The following HAUS7 variants were observed in gnomAD, a reference collection of about 807,000 sequenced individuals.
HAUS7 encodes HAUS augmin-like complex subunit 7.
Under a neutral mutation model 28.4 loss-of-function variants are expected in HAUS7, and 3 were observed. The ratio of observed to expected loss-of-function variants is 0.11; its 90% CI spans 0.05 to 0.27. The LOEUF is 0.27. HAUS7 is among the 10% of genes least tolerant of loss of function. The pLI, the probability that HAUS7 is intolerant of heterozygous loss-of-function variation, is 1.00. For synonymous variants in HAUS7, 165 were observed against 132.1 expected, an observed-to-expected ratio of 1.25 and a Z score of -1.71; for missense variants, 284 against 297.3, an observed-to-expected ratio of 0.96 and a Z score of 0.33.
At chrX:153,455,901 C>T (rs1170826912) in intron 7 of HAUS7, 135 bp from the exon 8 acceptor site, 13 of 459,186 alleles carry the variant, frequency 2.8e-5, no homozygotes, top group East Asian at 7.3e-5. Context: ...GGAGCTGTAC[C>T]GAGCGACTCA....
intron 2 of HAUS7, among the ~76,000 whole-genome samples, chrX:153,468,314 G>A (rs1161902244): frequency 2.7e-5 from 3 of 112,270 alleles, no homozygotes; most frequent in Non-Finnish European, 3.8e-5. Flanking sequence ...TGAGGAGGGG[G>A]AGGCCCGGGC....
chrX:153,470,549 C>T lies in HAUS7; in HGVS notation c.9G>A (p.Gly3=). 1.7e-6 allele frequency: 2 copies of T among 1,204,132 alleles called. No homozygotes were observed. The highest frequency in any genetic ancestry group is 1.1e-6 in the Non-Finnish European group (1 of 891,969). ...CGCCACGGCCGCAGCCAGCGTCCTG[C>T]CCCGCCATGTTTCGCGCTCCGAGCC... MA[G]QDAGCGRGGD... is the part of the protein sequence containing the mutation. Residue 3 remains glycine, a synonymous_variant, in exon 1 of 10, where the codon GGG becomes GGA. Transcript: ENST00000370211.
intron 1 of HAUS7, among the ~76,000 whole-genome samples, chrX:153,480,068 C>T (rs1345777815): frequency 8.9e-6 from 1 of 112,171 alleles, no homozygotes; most frequent in Middle Eastern, 4.7e-3. Flanking sequence ...CTTCATCTCC[C>T]CAGAAGCTGT....
In HAUS7 at chrX:153,470,503, C is replaced by A; in HGVS notation, c.55G>T (p.Glu19Ter). ...GCCCTGGACACGCTGCTGTCGCCCT[C>A]GTCCTCTGAGTAGTCGTCGCCGCCA... ...GRGGDDYSEDEGDSSVSRAAV... is the reference protein window; with the variant it reads ...GRGGDDYSED Residue 19 changes from glutamate (E) to a stop codon, truncating the protein, a stop_gained, in exon 1 of 10, where the codon GAG becomes TAG. Coordinates refer to ENST00000370211, the MANE Select transcript of HAUS7 (RefSeq NM_001385482.1). LOFTEE classifies it high-confidence loss of function. 8.3e-7 allele frequency: 1 copy of A among 1,205,893 alleles called. No homozygotes were observed. The highest frequency in any genetic ancestry group is 1.1e-6 in the Non-Finnish European group (1 of 892,616).
intron 4 of HAUS7, among the ~76,000 whole-genome samples, chrX:153,460,518 A>G (rs1556983142): frequency 1.8e-5 from 2 of 109,937 alleles, no homozygotes; most frequent in African/African-American, 6.6e-5. Context: ...GGTGAACATG[A>G]TACAATTTAG....
intron 1 of HAUS7, among the ~76,000 whole-genome samples, chrX:153,478,086 A>T (rs1332712491): frequency 8.9e-6 from 1 of 112,513 alleles, no homozygotes; most frequent in Non-Finnish European, 1.9e-5. Flanking sequence ...TCATTTCTTA[A>T]GATCGCTTCC....
At chrX:153,485,913 T>C (rs2089633980) in intron 1 of HAUS7, 2 of 952,265 alleles carry the variant, frequency 2.1e-6, no homozygotes, top group African/African-American at 4.0e-5. Flanking sequence ...AAGCCAGGCC[T>C]AGAGTTCCTG....
At chrX:153,452,446 G>A (rs781914719) in intron 9 of HAUS7, among the ~76,000 whole-genome samples, 116 of 112,519 alleles carry the variant, frequency 1.0e-3, no homozygotes, top group Non-Finnish European at 2.0e-3. Flanking sequence ...AATTAGTTTG[G>A]TAATACACTG....
In HAUS7 at chrX:153,470,411, G is replaced by A. The variant is rs1467101799; in HGVS notation, c.108+39C>T. 17 of 1,171,523 alleles carry A rather than the reference G, an allele frequency of 1.5e-5. No homozygotes were observed. In the African/African-American group the frequency reaches 2.5e-4, roughly 17 times the overall value. ...CCGGGCCTCGGGCGGGGCCCTCCCCGGTCCCCCGCCCTGGAGTGGCTTTCT... is the reference window on the plus strand; with the variant it reads ...CCGGGCCTCGGGCGGGGCCCTCCCCAGTCCCCCGCCCTGGAGTGGCTTTCT... On this transcript the variant is annotated intron_variant, in intron 1 of 9. Coordinates refer to ENST00000370211, the MANE Select transcript of HAUS7 (RefSeq NM_001385482.1).
chrX:153,463,950 T>C (rs1489369638), intron 3 of HAUS7, among the ~76,000 whole-genome samples: 2 of 112,540 alleles, frequency 1.8e-5, no homozygotes, highest in Non-Finnish European at 3.8e-5. Context: ...GCCCTGTCTC[T>C]CCCCGCTAGC....
chrX:153,481,759 G>A, intron 1 of HAUS7: 1 of 728,251 alleles, frequency 1.4e-6, no homozygotes, highest in Non-Finnish European at 1.6e-6. Flanking sequence ...GGGAGGTACA[G>A]AGTGGCAGCG....
intron 9 of HAUS7, among the ~76,000 whole-genome samples, chrX:153,449,465 C>T (rs1168342996): frequency 8.9e-6 from 1 of 112,760 alleles, no homozygotes; most frequent in Non-Finnish European, 1.9e-5. Flanking sequence ...TCCTAGGCTC[C>T]GGACTGTGTC....
intron 2 of HAUS7, among the ~76,000 whole-genome samples, chrX:153,468,001 G>C (rs2089474584): frequency 8.9e-6 from 1 of 112,682 alleles, no homozygotes; most frequent in Admixed American, 9.3e-5. Context: ...ATTTCCAGGA[G>C]GGGGAACAAT....
At chrX:153,479,925 TC>T (rs1370097955) in intron 1 of HAUS7, among the ~76,000 whole-genome samples, 1 of 111,556 alleles carries the variant, frequency 9.0e-6, no homozygotes, top group Non-Finnish European at 1.9e-5. Context: ...ATTGGGGTTA[TC>T]AACATTCCTC....
In HAUS7 at chrX:153,469,189, G is replaced by T; in HGVS notation, c.181C>A (p.Pro61Thr). The change falls in exon 2 of 10, where the codon CCC becomes ACC. Residue 61 changes from proline (P) to threonine (T), a missense_variant. Pro to Thr is a conservative substitution (Grantham distance 38). Coordinates refer to ENST00000370211, the MANE Select transcript of HAUS7 (RefSeq NM_001385482.1). ...AGGATCTCCAAGCGGTACTCTGAGG[G>T]GCTGCACAGCAGTTCCTGAATTGTC... ...PKTIQELLCS[P>T]SEYRLEILEW... The T allele has an allele frequency of 8.4e-7, 1 of 1,197,103 alleles. No homozygotes were observed. Among genetic ancestry groups the T allele is most frequent in the Non-Finnish European group, 1.1e-6 (1 of 881,856 alleles).
Position 153,454,467 on chromosome X carries a change from C to T in HAUS7, c.972G>A (p.Lys324=), listed in dbSNP as rs1556981578. ...GCTGCTTCTTCACGGTCTCCACGGC[C>T]TTCGCAGAGGTGTCAGCAACTGCCA... ...VVMAVADTSA[K]AVETVKKQQG... is the part of the protein sequence containing the mutation. Residue 324 remains lysine, a synonymous_variant, in exon 9 of 10, where the codon AAG becomes AAA. Coordinates refer to ENST00000370211, the MANE Select transcript of HAUS7 (RefSeq NM_001385482.1). 9.5e-7 allele frequency: 1 copy of T among 1,056,716 alleles called. No homozygotes were observed. The highest frequency in any genetic ancestry group is 1.8e-5 in the South Asian group (1 of 54,299). 87.1% of individuals were successfully genotyped at this position (1,056,716 alleles called of 1,213,427 possible). A position where few individuals can be genotyped will look rare whatever the true frequency, so the allele number is the denominator to read the frequency against.
chrX:153,459,043 C>T (rs929544016), intron 4 of HAUS7, among the ~76,000 whole-genome samples: 3 of 112,407 alleles, frequency 2.7e-5, no homozygotes, highest in Non-Finnish European at 3.8e-5. Context: ...CAGGCATGAG[C>T]CACCAGGCCC....
intron 3 of HAUS7, chrX:153,463,209 A>T: frequency 3.2e-6 from 1 of 309,427 alleles, no homozygotes; most frequent in Non-Finnish European, 6.3e-6. Flanking sequence ...TTTTCTGAGT[A>T]ACTTGGAGCC....
chrX:153,453,557 A>AG (rs1296750517), intron 9 of HAUS7, among the ~76,000 whole-genome samples: 1 of 108,970 alleles, frequency 9.2e-6, no homozygotes, highest in Admixed American at 9.8e-5. Flanking sequence ...GTATTAGTGC[A>AG]GGGATAGCAA....
Sources: allele counts gnomAD v4.1 joint callset (sites outside exome capture counted in the v4.1 genomes callset), GRCh38; gene constraint gnomAD v4.1.1; transcripts MANE v1.5; gene names NCBI Gene and HGNC (gene_info 2026-07-23, HGNC 2026-07-21).